Variants in DOCK5 observed in about 807,000 individuals in gnomAD.
The protein encoded by DOCK5 is dedicator of cytokinesis 5.
Under a neutral mutation model 251.8 loss-of-function variants are expected in DOCK5, and 142 were observed. The observed-to-expected ratio is 0.56, with a 90% confidence interval of 0.49 to 0.65. The LOEUF (loss-of-function observed/expected upper bound fraction) is 0.65. DOCK5 is among the 30% of genes least tolerant of loss of function. DOCK5 has a pLI of 0.00. For synonymous variants in DOCK5, 842 were observed against 835.5 expected, an observed-to-expected ratio of 1.01 and a Z score of -0.13; for missense variants, 2,111 against 2,312.3, an observed-to-expected ratio of 0.91 and a Z score of 1.79.
intron 1 of DOCK5, among the ~76,000 whole-genome samples, chr8:25,232,400 T>C (rs1195841919): frequency 6.6e-6 from 1 of 152,216 alleles, no homozygotes; most frequent in Admixed American, 6.5e-5. Flanking sequence ...TGGGGCCAGT[T>C]TGGCTACATG....
intron 30 of DOCK5, among the ~76,000 whole-genome samples, chr8:25,365,301 TTACCTTCCAGAG>T (rs1321402539): frequency 3.9e-5 from 6 of 152,338 alleles, no homozygotes; most frequent in African/African-American, 1.2e-4. Flanking sequence ...GTCATGGAGC[TTACCTTCCAGAG>T]TACTCTGCAT....
chr8:25,385,062 G>A (rs1801140023), intron 40 of DOCK5, among the ~76,000 whole-genome samples: 1 of 152,162 alleles, frequency 6.6e-6, no homozygotes, highest in African/African-American at 2.4e-5. Flanking sequence ...GGAAGCATCA[G>A]GCAAGAGCAG....
At position 25,395,698 on chromosome 8, in the gene DOCK5, G is replaced by A. The variant is rs925982526; in HGVS notation, c.4683G>A (p.Gly1561=). The change falls in exon 45 of 52, where the codon GGG becomes GGA. Residue 1561 remains glycine (G), a synonymous_variant. Coordinates refer to ENST00000276440, the MANE Select transcript of DOCK5 (RefSeq NM_024940.8). ...LSGIVDPAVM[G]GFSNYEKAFF... ...GCATCGTGGACCCGGCCGTCATGGG[G>A]GGCTTCTCCAACTATGAAAAGGTTC... The A allele has an allele frequency of 6.8e-6, 11 of 1,613,658 alleles. No homozygotes were observed. The highest frequency in any genetic ancestry group is 9.3e-6 in the Non-Finnish European group (11 of 1,179,830).
At chr8:25,372,812 G>C in intron 35 of DOCK5, 94 bp downstream of exon 35, 1 of 1,253,274 alleles carries the variant, frequency 8.0e-7, no homozygotes, top group Middle Eastern at 2.3e-4. Context: ...AAACACAGAG[G>C]CGCCCTGAGG....
intron 4 of DOCK5, chr8:25,277,341 C>A: frequency 6.5e-6 from 1 of 152,842 alleles, no homozygotes; most frequent in South Asian, 1.8e-4. Context: ...GTGTTGTTAC[C>A]AAAGGGCCTT....
At chr8:25,222,726 G>A (rs759555274) in intron 1 of DOCK5, among the ~76,000 whole-genome samples, 8 of 152,186 alleles carry the variant, frequency 5.3e-5, no homozygotes, top group African/African-American at 1.4e-4. Context: ...TGGGCTGTGT[G>A]TCCTCATCTT....
intron 5 of DOCK5, among the ~76,000 whole-genome samples, chr8:25,285,737 C>T (rs1804315976): frequency 6.6e-6 from 1 of 152,178 alleles, no homozygotes; most frequent in Admixed American, 6.5e-5. Flanking sequence ...TACAATTAAG[C>T]TGGTCTCATG....
At chr8:25,387,281 A>T (rs1801182281) in intron 40 of DOCK5, among the ~76,000 whole-genome samples, 1 of 151,722 alleles carries the variant, frequency 6.6e-6, no homozygotes, top group African/African-American at 2.4e-5. Context: ...TCCCAGGCTC[A>T]GGCAATCCTG....
chr8:25,368,129 A>C, intron 31 of DOCK5, 63 bp from the exon 32 acceptor site: 1 of 1,290,624 alleles, frequency 7.7e-7, no homozygotes, highest in Non-Finnish European at 1.1e-6. Context: ...TTTCCTTCTT[A>C]TTGTGTTTAT....
intron 13 of DOCK5, among the ~76,000 whole-genome samples, chr8:25,310,982 A>G (rs1414263699): frequency 2.0e-5 from 3 of 152,078 alleles, no homozygotes; most frequent in Non-Finnish European, 4.4e-5. Flanking sequence ...CTTTCTTGTT[A>G]TGACATCCCC....
chr8:25,305,155 C>G (rs1224929459), intron 11 of DOCK5: 1 of 152,248 alleles, frequency 6.6e-6, no homozygotes, highest in African/African-American at 2.4e-5. Flanking sequence ...GGCATCATCT[C>G]AGCTCACTTG....
At chr8:25,314,605 A>G (rs1327797161) in intron 13 of DOCK5, among the ~76,000 whole-genome samples, 1 of 92,750 alleles carries the variant, frequency 1.1e-5, no homozygotes, top group East Asian at 3.6e-4. Flanking sequence ...CCATCCACCT[A>G]CCCATCCACC....
chr8:25,292,317 T>A, intron 6 of DOCK5, 145 bp downstream of exon 6: 1 of 1,037,970 alleles, frequency 9.6e-7, no homozygotes, highest in Non-Finnish European at 1.3e-6. Flanking sequence ...TGAAGACATT[T>A]AATTTTGTTG....
chr8:25,226,212 C>T (rs1802526060), intron 1 of DOCK5, among the ~76,000 whole-genome samples: 1 of 150,924 alleles, frequency 6.6e-6, no homozygotes, highest in Non-Finnish European at 1.5e-5. Context: ...ATGTATCCTC[C>T]ACACTAGTCT....
intron 3 of DOCK5, among the ~76,000 whole-genome samples, chr8:25,273,409 C>G (rs1803963720): frequency 1.3e-5 from 2 of 152,136 alleles, no homozygotes; most frequent in Admixed American, 1.3e-4. Flanking sequence ...ACCAGCCTGG[C>G]CTGGCCAATA....
intron 6 of DOCK5, among the ~76,000 whole-genome samples, chr8:25,295,793 TATA>T (rs1371832963): frequency 6.6e-6 from 1 of 151,828 alleles, no homozygotes. Context: ...GTGAAGTGTA[TATA>T]GGAGGTATGT....
intron 28 of DOCK5, among the ~76,000 whole-genome samples, chr8:25,361,997 T>C (rs1800690593): frequency 6.6e-6 from 1 of 152,196 alleles, no homozygotes; most frequent in African/African-American, 2.4e-5. Flanking sequence ...TTCAAAACAT[T>C]TTAGCTTTGA....
rs1801683935 is a variant in DOCK5, at chr8:25,414,905, C to CTTTTTTTT, written c.*3608_*3609insTTTTTTTT. 1 of 9,082 alleles carries CTTTTTTTT rather than the reference C, an allele frequency of 1.1e-4. No individual in the cohort carries two copies. Among genetic ancestry groups the CTTTTTTTT allele is most frequent in the Non-Finnish European group, 4.3e-4 (1 of 2,330 alleles). 0.6% of individuals were successfully genotyped at this position (9,082 alleles called of 1,614,324 possible). A position where few individuals can be genotyped will look rare whatever the true frequency, so the allele number is the denominator to read the frequency against. On this transcript the variant is annotated 3_prime_UTR_variant, in exon 52 of 52. Transcript: ENST00000276440. The stretch of plus-strand genomic sequence containing the variant: ...GTCAATTTGTAGTCAGTCCCTGGGC[C>CTTTTTTTT]TGTCTTTTTTTTTTTTTAATTTTGA...
At chr8:25,397,031 C>T (rs1801358217) in intron 45 of DOCK5, among the ~76,000 whole-genome samples, 1 of 151,912 alleles carries the variant, frequency 6.6e-6, no homozygotes, top group Admixed American at 6.6e-5. Flanking sequence ...ACCAGCCTGG[C>T]GAACTTGGCG....
Sources: allele counts gnomAD v4.1 joint callset (sites outside exome capture counted in the v4.1 genomes callset), GRCh38; gene constraint gnomAD v4.1.1; transcripts MANE v1.5; gene names NCBI Gene and HGNC (gene_info 2026-07-23, HGNC 2026-07-21).